Variants in EXOC4 observed in about 807,000 individuals in gnomAD.
EXOC4 encodes exocyst complex component 4.
In EXOC4, 71 loss-of-function variants were observed where a neutral mutation model predicts 107.2. The ratio of observed to expected loss-of-function variants is 0.66; its 90% confidence interval spans 0.55 to 0.81. EXOC4 has a LOEUF of 0.81. Ranked by LOEUF, EXOC4 falls within the 30% of genes least tolerant of loss-of-function variation. The probability of loss-of-function intolerance (pLI) is 0.00; values close to 1 mark genes in which losing one functional copy is unlikely to be tolerated. For missense variants in EXOC4, 1,108 were observed against 1,189.6 expected (o/e 0.93, Z 1.01); for synonymous variants, 456 against 441.2 (o/e 1.03, Z -0.42).
intron 9 of EXOC4, among the ~76,000 whole-genome samples, chr7:133,613,424 C>T (rs543775678): frequency 6.6e-6 from 1 of 152,252 alleles, no homozygotes; most frequent in African/African-American, 2.4e-5. Flanking sequence ...TCCCTGTGAG[C>T]AGTCCATCTC....
At chr7:133,574,252 T>C (rs1178754943) in intron 9 of EXOC4, among the ~76,000 whole-genome samples, 1 of 152,146 alleles carries the variant, frequency 6.6e-6, no homozygotes. Flanking sequence ...TGCATAATCA[T>C]ATACTCATGT....
chr7:133,682,426 T>G (rs1794207376), intron 10 of EXOC4, among the ~76,000 whole-genome samples: 3 of 152,232 alleles, frequency 2.0e-5, no homozygotes, highest in African/African-American at 7.2e-5. Flanking sequence ...CTGCTTTTGC[T>G]TCTTTCTCCC....
the EXOC4 span, among the ~76,000 whole-genome samples, chr7:134,093,139 AC>A: frequency 6.6e-6 from 1 of 152,272 alleles, no homozygotes; most frequent in African/African-American, 2.4e-5. Context: ...GATTAAAAAA[AC>A]AAGACCCTTC....
intron 1 of EXOC4, 115 bp from the exon 2 acceptor site, chr7:133,274,867 G>T: frequency 1.3e-6 from 1 of 767,440 alleles, no homozygotes; most frequent in Non-Finnish European, 2.0e-6. Context: ...TCATTTCCTA[G>T]TTAATAAGAT....
chr7:133,943,854 GT>G (rs1485927915), intron 14 of EXOC4, among the ~76,000 whole-genome samples: 1 of 152,112 alleles, frequency 6.6e-6, no homozygotes, highest in Non-Finnish European at 1.5e-5. Context: ...TACTGCTATA[GT>G]GACCCTTTTC....
intron 9 of EXOC4, among the ~76,000 whole-genome samples, chr7:133,553,791 T>C (rs1800639313): frequency 1.3e-5 from 2 of 152,206 alleles, no homozygotes; most frequent in Admixed American, 1.3e-4. Flanking sequence ...GAGGTGATCC[T>C]AGGTTTTATT....
intron 9 of EXOC4, among the ~76,000 whole-genome samples, chr7:133,624,871 G>A (rs538800633): frequency 6.6e-6 from 1 of 150,522 alleles, no homozygotes; most frequent in South Asian, 2.1e-4. Context: ...GGGATTACAG[G>A]TGTGAGCCAC....
chr7:133,975,793 C>T (rs1306379673), intron 14 of EXOC4, among the ~76,000 whole-genome samples: 1 of 151,952 alleles, frequency 6.6e-6, no homozygotes, highest in Non-Finnish European at 1.5e-5. Context: ...CACCATAACC[C>T]AAGAAGTAGA....
At chr7:133,915,790 T>C (rs1177040947) in intron 12 of EXOC4, among the ~76,000 whole-genome samples, 1 of 152,184 alleles carries the variant, frequency 6.6e-6, no homozygotes, top group Non-Finnish European at 1.5e-5. Context: ...GAAAGTAATA[T>C]GAGAGATTGG....
intron 1 of EXOC4, 152 bp from the exon 2 acceptor site, chr7:133,274,830 T>A: frequency 3.0e-6 from 2 of 664,462 alleles, no homozygotes; most frequent in South Asian, 2.5e-5. Flanking sequence ...GTGAAGGAAG[T>A]TTTGTGTTTT....
At chr7:133,620,000 G>A (rs796477279) in intron 9 of EXOC4, among the ~76,000 whole-genome samples, 2 of 151,170 alleles carry the variant, frequency 1.3e-5, no homozygotes, top group African/African-American at 4.9e-5. Context: ...GTGTGTGTGT[G>A]TGTGTGTGTT....
intron 9 of EXOC4, among the ~76,000 whole-genome samples, chr7:133,606,352 G>A (rs1378717631): frequency 6.6e-6 from 1 of 151,818 alleles, no homozygotes; most frequent in African/African-American, 2.4e-5. Flanking sequence ...TCCTTCCAGT[G>A]TGCATTACTT....
Position 133,317,405 on chromosome 7 carries a change from C to T in EXOC4, c.763+15C>T, listed in dbSNP as rs1795014884. ...AAGCTCAAGTGGTAAGTATTTAATT[C>T]TTCAGCCACTAAGCTTTTTAGTATG... On this transcript the variant is annotated intron_variant, in intron 5 of 17. Coordinates refer to ENST00000253861, the MANE Select transcript of EXOC4 (RefSeq NM_021807.4). 1 of 1,514,160 alleles carries T rather than the reference C, an allele frequency of 6.6e-7. No homozygotes were observed. Among genetic ancestry groups the T allele is most frequent in the Non-Finnish European group, 9.2e-7 (1 of 1,090,000 alleles). 93.8% of individuals were successfully genotyped at this position (1,514,160 alleles called of 1,614,324 possible). A position where few individuals can be genotyped will look rare whatever the true frequency, so the allele number is the denominator to read the frequency against.
chr7:133,755,249 T>TA (rs1795879969), intron 10 of EXOC4, among the ~76,000 whole-genome samples: 1 of 100,302 alleles, frequency 1.0e-5, no homozygotes, highest in Non-Finnish European at 1.9e-5. Flanking sequence ...ATATAATATA[T>TA]ATATTATATA....
intron 7 of EXOC4, among the ~76,000 whole-genome samples, chr7:133,433,652 C>T (rs1797903919): frequency 6.6e-6 from 1 of 152,202 alleles, no homozygotes; most frequent in South Asian, 2.1e-4. Flanking sequence ...CAGAAGGATA[C>T]TCATTTCTTT....
At chr7:133,577,385 G>T (rs936166668) in intron 9 of EXOC4, among the ~76,000 whole-genome samples, 2 of 151,926 alleles carry the variant, frequency 1.3e-5, no homozygotes, top group African/African-American at 4.8e-5. Flanking sequence ...CTCAATTTTC[G>T]TTCTCTTTCT....
rs192249419 is a variant in EXOC4 at position 133,436,112 on chromosome 7, G to T, written c.1183-39216G>T. ...CTCTTGCTATTCATTTCAAGAAATT[G>T]GTGATCTTGCATCAGCCGGCTTGTT... On this transcript the variant is annotated intron_variant, in intron 7 of 17. Transcript: ENST00000253861. Among the ~76,000 whole-genome samples, 4 of 148,820 alleles carry T rather than the reference G, an allele frequency of 2.7e-5. No individual in the cohort carries two copies. The East Asian group carries it at 8.0e-4, about 30-fold the overall frequency.
At chr7:133,788,715 A>G (rs1796642323) in intron 10 of EXOC4, among the ~76,000 whole-genome samples, 1 of 151,986 alleles carries the variant, frequency 6.6e-6, no homozygotes, top group Non-Finnish European at 1.5e-5. Flanking sequence ...CTGGTCTCGA[A>G]CTCCTGACCT....
chr7:133,930,438 A>G (rs1800151180), intron 13 of EXOC4: 1 of 152,194 alleles, frequency 6.6e-6, no homozygotes, highest in Non-Finnish European at 1.5e-5. Flanking sequence ...AAGTCTACAT[A>G]TCATAACTCT....
Sources: gnomAD v4.1 joint callset for allele counts (sites outside exome capture counted in the v4.1 genomes callset) on GRCh38, gnomAD v4.1.1 for gene constraint, MANE v1.5 for transcripts, NCBI Gene and HGNC (gene_info 2026-07-23, HGNC 2026-07-21) for gene names.